The following GRIP1 variants were observed in gnomAD, a reference collection of about 807,000 sequenced individuals.
The protein encoded by GRIP1 is glutamate receptor-interacting protein 1.
GRIP1 carries 45 observed loss-of-function variants against 129.9 expected under a neutral mutation model. The ratio of observed to expected loss-of-function variants is 0.35; its 90% CI spans 0.27 to 0.44. GRIP1 has a LOEUF of 0.44. GRIP1 is among the 20% of genes least tolerant of loss of function. The probability of loss-of-function intolerance (pLI) is 1.00; values close to 1 mark genes in which losing one functional copy is unlikely to be tolerated. For synonymous variants in GRIP1, 530 were observed against 520.8 expected, an observed-to-expected ratio of 1.02 and a Z score of -0.24; for missense variants, 1,196 against 1,396.8, an observed-to-expected ratio of 0.86 and a Z score of 2.29.
chr12:67,036,813 CTT>C (rs2135796095), intron 1 of GRIP1, among the ~76,000 whole-genome samples: 1 of 152,266 alleles, frequency 6.6e-6, no homozygotes, highest in African/African-American at 2.4e-5. Context: ...GTCCTGAAGA[CTT>C]GACTTCTCCA....
At chr12:66,372,395 G>A (rs2055558246) in intron 22 of GRIP1, 1 of 240,166 alleles carries the variant, frequency 4.2e-6, no homozygotes, top group African/African-American at 2.3e-5. Context: ...TTAACAATGG[G>A]CTGGAAAGGG....
intron 1 of GRIP1, among the ~76,000 whole-genome samples, chr12:66,622,926 G>T (rs960877046): frequency 1.3e-5 from 2 of 152,080 alleles, no homozygotes; most frequent in African/African-American, 4.8e-5. Context: ...CCCATATGTT[G>T]TTTACTACAA....
In GRIP1 at chr12:66,856,270, T is replaced by G. The variant is rs375776690; in HGVS notation, c.58+212780A>C. Among the ~76,000 whole-genome samples the G allele has an allele frequency of 3.2e-4, 49 of 152,210 alleles. No homozygotes were observed. In the East Asian group the frequency reaches 7.0e-3, roughly 22 times the overall value. ...GTTAGAACTAAAACCATAAAAACCC[T>G]AAAAGAAAACCTAGGCAATACCATT... is the stretch of plus-strand genomic sequence containing the variant. On this transcript the variant is annotated intron_variant, in intron 1 of 1. Transcript: ENST00000643019.
chr12:66,392,710 T>C lies in GRIP1; in HGVS notation c.2236A>G (p.Thr746Ala). ...AIHLLQMAGE[T>A]VTLKIKKQTD... The stretch of plus-strand genomic sequence containing the variant: ...TGTTTCTTAATTTTCAAGGTGACAG[T>C]CTCTCCTGCCATCTGTAACAAATGG... Residue 746 changes from threonine (T) to alanine (A), a missense_variant, in exon 18 of 25, where the codon ACT becomes GCT. Thr to Ala is a moderately conservative substitution (Grantham distance 58). Transcript: ENST00000359742. The C allele has an allele frequency of 6.2e-7, 1 of 1,614,080 alleles. No individual in the cohort carries two copies. The highest frequency in any genetic ancestry group is 1.1e-5 in the South Asian group (1 of 91,084).
chr12:66,720,895 C>T (rs2036037394), intron 1 of GRIP1, among the ~76,000 whole-genome samples: 1 of 152,182 alleles, frequency 6.6e-6, no homozygotes, highest in African/African-American at 2.4e-5. Context: ...TTGACCACCT[C>T]ATATGAATCA....
At chr12:66,585,114 T>A (rs78389029) in intron 2 of GRIP1, among the ~76,000 whole-genome samples, 5 of 149,078 alleles carry the variant, frequency 3.4e-5, no homozygotes, top group South Asian at 4.3e-4. Flanking sequence ...TCTTTTTTTT[T>A]ATTATACTTT....
intron 1 of GRIP1, among the ~76,000 whole-genome samples, chr12:66,604,196 C>G (rs757291992): frequency 8.5e-5 from 13 of 152,184 alleles, no homozygotes; most frequent in Non-Finnish European, 1.9e-4. Flanking sequence ...ATCTGGACAA[C>G]CTTGTGGAAG....
intron 1 of GRIP1, among the ~76,000 whole-genome samples, chr12:66,957,785 A>G (rs1488015284): frequency 1.3e-5 from 2 of 152,158 alleles, no homozygotes; most frequent in African/African-American, 4.8e-5. Context: ...TATATGTCAG[A>G]TTTCTTCACT....
At chr12:66,802,724 A>G (rs1004858727) in intron 1 of GRIP1, among the ~76,000 whole-genome samples, 10 of 152,188 alleles carry the variant, frequency 6.6e-5, no homozygotes, top group South Asian at 2.1e-4. Flanking sequence ...TTAAAAGTTC[A>G]TAAGCTCCTT....
intron 1 of GRIP1, among the ~76,000 whole-genome samples, chr12:66,995,466 C>G (rs1234331049): frequency 6.6e-6 from 1 of 151,886 alleles, no homozygotes; most frequent in Non-Finnish European, 1.5e-5. Flanking sequence ...GGACTTATAT[C>G]TAGAATGTAC....
At chr12:67,033,588 GA>G (rs1592494767) in intron 1 of GRIP1, among the ~76,000 whole-genome samples, 1 of 151,976 alleles carries the variant, frequency 6.6e-6, no homozygotes, top group Non-Finnish European at 1.5e-5. Context: ...TCCAAATGAC[GA>G]AACTGGAGTC....
At chr12:66,414,111 G>A (rs190871444) in intron 15 of GRIP1, among the ~76,000 whole-genome samples, 32 of 151,962 alleles carry the variant, frequency 2.1e-4, no homozygotes, top group Admixed American at 9.8e-4. Context: ...AATCAGGCAA[G>A]AGAAAAAAAT....
chr12:66,876,952 A>T (rs2137174703), intron 1 of GRIP1, among the ~76,000 whole-genome samples: 1 of 152,182 alleles, frequency 6.6e-6, no homozygotes, highest in East Asian at 1.9e-4. Flanking sequence ...TGTACATGTA[A>T]ACCCCAAGTA....
At chr12:66,568,140 G>T in intron 2 of GRIP1, 2 of 274,034 alleles carry the variant, frequency 7.3e-6, no homozygotes, top group East Asian at 9.1e-5. Flanking sequence ...GAAACCCAGG[G>T]AACTGGTCCT....
intron 1 of GRIP1, among the ~76,000 whole-genome samples, chr12:66,730,678 T>C (rs1233739929): frequency 2.3e-5 from 1 of 44,312 alleles, no homozygotes; most frequent in African/African-American, 9.4e-5. Flanking sequence ...AGTCCAAAAA[T>C]AAGATACCAA....
intron 23 of GRIP1, among the ~76,000 whole-genome samples, chr12:66,371,129 T>G (rs572117933): frequency 7.9e-5 from 12 of 151,972 alleles, no homozygotes; most frequent in African/African-American, 2.9e-4. Context: ...GAGCCTCAAA[T>G]TTTTGTAAGA....
intron 7 of GRIP1, among the ~76,000 whole-genome samples, chr12:66,468,069 G>A (rs1416149981): frequency 6.6e-6 from 1 of 152,180 alleles, no homozygotes; most frequent in African/African-American, 2.4e-5. Flanking sequence ...GGGTTTCTAA[G>A]TTTTAGCTGA....
chr12:66,838,717 C>T (rs890542653), intron 1 of GRIP1, among the ~76,000 whole-genome samples: 2 of 152,124 alleles, frequency 1.3e-5, no homozygotes, highest in African/African-American at 4.8e-5. Flanking sequence ...TGAGTTGATT[C>T]AGGTAATTCT....
At chr12:66,370,378 T>C (rs1328734881) in intron 23 of GRIP1, among the ~76,000 whole-genome samples, 1 of 152,188 alleles carries the variant, frequency 6.6e-6, no homozygotes, top group African/African-American at 2.4e-5. Context: ...GAGTGAGTGG[T>C]GAAAGAATGA....
Sources: gnomAD v4.1 joint callset for allele counts (sites outside exome capture counted in the v4.1 genomes callset) on GRCh38, gnomAD v4.1.1 for gene constraint, MANE v1.5 for transcripts, NCBI Gene and HGNC (gene_info 2026-07-23, HGNC 2026-07-21) for gene names.